Variants in RGS6 observed in about 807,000 individuals in gnomAD.
RGS6 encodes the protein regulator of G protein signaling 6, also known as regulator of G-protein signaling 6.
A neutral mutation model predicts 78.5 loss-of-function variants in RGS6; 30 were observed. The observed-to-expected ratio is 0.38, with a 90% CI of 0.29 to 0.52. The LOEUF is 0.52. Ranked by LOEUF, RGS6 falls within the 20% of genes least tolerant of loss-of-function variation. The pLI, the probability that RGS6 is intolerant of heterozygous loss-of-function variation, is 0.85. For synonymous variants in RGS6, 206 were observed against 206.0 expected, an observed-to-expected ratio of 1.00 and a Z score of 0.00; for missense variants, 495 against 609.7, an observed-to-expected ratio of 0.81 and a Z score of 1.98.
intron 3 of RGS6, among the ~76,000 whole-genome samples, chr14:72,418,262 G>A (rs1224835244): frequency 6.6e-6 from 1 of 151,970 alleles, no homozygotes; most frequent in Non-Finnish European, 1.5e-5. Flanking sequence ...CACCTCCCGG[G>A]TTCAAGCAAT....
chr14:72,075,027 A>C (rs2094528944), intron 2 of RGS6, among the ~76,000 whole-genome samples: 1 of 152,200 alleles, frequency 6.6e-6, no homozygotes, highest in East Asian at 1.9e-4. Context: ...TAATGCAAAT[A>C]ATGTTTTGTT....
At chr14:72,358,631 A>G (rs1479280901) in intron 3 of RGS6, among the ~76,000 whole-genome samples, 18 of 152,228 alleles carry the variant, frequency 1.2e-4, no homozygotes, top group Admixed American at 6.5e-5. Context: ...TAGAACAGGT[A>G]TATTTACCCA....
chr14:71,994,709 GA>G (rs1310806478), intron 2 of RGS6, among the ~76,000 whole-genome samples: 1 of 152,070 alleles, frequency 6.6e-6, no homozygotes, highest in East Asian at 1.9e-4. Flanking sequence ...GAACATTGTG[GA>G]AAGATTGGAA....
At chr14:72,139,463 A>G (rs1195209832) in intron 2 of RGS6, among the ~76,000 whole-genome samples, 1 of 152,234 alleles carries the variant, frequency 6.6e-6, no homozygotes, top group South Asian at 2.1e-4. Context: ...GGAGACAGCC[A>G]TGGGCCATAT....
chr14:72,145,018 C>T (rs747185737), intron 2 of RGS6, among the ~76,000 whole-genome samples: 5 of 151,560 alleles, frequency 3.3e-5, no homozygotes, highest in African/African-American at 7.3e-5. Flanking sequence ...ATAGAGGGGT[C>T]GAAGTGAGTT....
chr14:72,159,626 A>G (rs1367367573), intron 2 of RGS6, among the ~76,000 whole-genome samples: 2 of 152,224 alleles, frequency 1.3e-5, no homozygotes, highest in Non-Finnish European at 2.9e-5. Context: ...GTCATGTGCC[A>G]GCACTGCCAA....
intron 2 of RGS6, among the ~76,000 whole-genome samples, chr14:72,224,564 T>C (rs1230996205): frequency 6.6e-6 from 1 of 152,140 alleles, no homozygotes; most frequent in East Asian, 1.9e-4. Flanking sequence ...TTTTAGTACT[T>C]CTTATTATAT....
intron 1 of RGS6, among the ~76,000 whole-genome samples, chr14:71,943,024 A>G (rs2090886988): frequency 2.0e-5 from 3 of 151,820 alleles, no homozygotes; most frequent in Non-Finnish European, 4.4e-5. Flanking sequence ...CCAAGAACCT[A>G]TTTTCTTGCA....
chr14:72,039,813 A>ATTTTTTTTTTTTTTTTTTTTTTTTGTTTT (rs3053082), intron 2 of RGS6, among the ~76,000 whole-genome samples: 1 of 68,924 alleles, frequency 1.5e-5, no homozygotes, highest in Non-Finnish European at 2.7e-5. Flanking sequence ...TGTTTCATTG[A>ATTTTTTTTTTTTTTTTTTTTTTTTGTTTT]TTTTTTTTTT....
intron 2 of RGS6, among the ~76,000 whole-genome samples, chr14:72,282,837 G>C (rs1342327269): frequency 6.6e-6 from 1 of 152,076 alleles, no homozygotes; most frequent in African/African-American, 2.4e-5. Flanking sequence ...ATACAGTATT[G>C]TTAATTATAG....
Position 72,179,538 on chromosome 14 carries a change from C to T in RGS6, c.85-172557C>T, listed in dbSNP as rs141316292. Among the ~76,000 whole-genome samples, 31 of 152,246 alleles carry T rather than the reference C, an allele frequency of 2.0e-4. No homozygotes were observed. The East Asian group carries it at 5.4e-3, about 27-fold the overall frequency. ...AGGAAAGGGGAGCCTTCTGTGTGTC[C>T]CTACTATATGCAATGTATGACTCCA... On this transcript the variant is annotated intron_variant, in intron 2 of 17. Transcript: ENST00000553525.
chr14:72,539,896 G>C (rs1193556880), intron 16 of RGS6, 145 bp from the exon 17 acceptor site: 3 of 668,540 alleles, frequency 4.5e-6, no homozygotes, highest in South Asian at 4.2e-5. Flanking sequence ...AGCTCTGGCT[G>C]CTTCTCTTTT....
chr14:72,629,106 T>C, the RGS6 span, among the ~76,000 whole-genome samples: 1 of 152,218 alleles, frequency 6.6e-6, no homozygotes, highest in African/African-American at 2.4e-5. Flanking sequence ...TTATTGATTT[T>C]TTAGCTATGT....
At position 72,548,327 on chromosome 14, in the gene RGS6, T is replaced by TTGTGTGTGTG. The variant is rs369257899; in HGVS notation, c.1422+8240_1422+8249dup. On this transcript the variant is annotated intron_variant, in intron 17 of 17. Transcript: ENST00000553525. ...CAGATAGCATTTTACCAGATCATATTTGTGTGTGTGTGTGTGCGCGCGTGT... is the reference window on the plus strand; with the variant it reads ...CAGATAGCATTTTACCAGATCATATTTGTGTGTGTGTGTGTGTGTGTGTGTGCGCGCGTGT... 3.1e-4 allele frequency among the ~76,000 whole-genome samples: 46 copies of TTGTGTGTGTG among 147,262 alleles called. No homozygotes were observed. In the South Asian group the frequency reaches 3.3e-3, roughly 11 times the overall value.
At chr14:71,936,096 AT>A (rs2089293303) in intron 1 of RGS6, among the ~76,000 whole-genome samples, 1 of 146,750 alleles carries the variant, frequency 6.8e-6, no homozygotes, top group African/African-American at 2.5e-5. Flanking sequence ...CATGATATAT[AT>A]ACATATGATA....
At chr14:71,953,128 T>C (rs1197207819) in intron 1 of RGS6, among the ~76,000 whole-genome samples, 1 of 152,140 alleles carries the variant, frequency 6.6e-6, no homozygotes, top group Non-Finnish European at 1.5e-5. Context: ...ATAAGCCCTC[T>C]CATGTGAGAA....
chr14:71,970,784 C>T (rs1191111404), intron 2 of RGS6, among the ~76,000 whole-genome samples: 1 of 152,098 alleles, frequency 6.6e-6, no homozygotes, highest in African/African-American at 2.4e-5. Flanking sequence ...AAATGGGGAA[C>T]TAGACAATTA....
At chr14:72,131,920 GGTT>G (rs2096327590) in intron 2 of RGS6, among the ~76,000 whole-genome samples, 1 of 152,076 alleles carries the variant, frequency 6.6e-6, no homozygotes, top group African/African-American at 2.4e-5. Context: ...TTATACTGTC[GGTT>G]GTTTTTTAAA....
rs1000626209 is a variant in RGS6, at chr14:72,470,114, G to C, written c.536+31G>C. Reference sequence around the variant, plus strand: ...TGAACTTGATAGAGACCTTTTCAGAGAGGAAAAGACTCTGGAATTTGGAAA... The same window carrying C: ...TGAACTTGATAGAGACCTTTTCAGACAGGAAAAGACTCTGGAATTTGGAAA... On this transcript the variant is annotated intron_variant, in intron 8 of 17. Transcript: ENST00000553525. 5 of 1,499,964 alleles carry C rather than the reference G, an allele frequency of 3.3e-6. No homozygotes were observed. In the African/African-American group the frequency reaches 6.9e-5, roughly 21 times the overall value. The allele number at this position is 1,499,964 out of a possible 1,614,324, so 92.9% of individuals were successfully genotyped here.
Sources: gnomAD v4.1 joint callset for allele counts (sites outside exome capture counted in the v4.1 genomes callset) on GRCh38, gnomAD v4.1.1 for gene constraint, MANE v1.5 for transcripts, NCBI Gene and HGNC (gene_info 2026-07-23, HGNC 2026-07-21) for gene names.